The following ZNF264 variants were observed in gnomAD, a reference collection of about 807,000 sequenced individuals.
The protein encoded by ZNF264 is zinc finger protein 264.
A neutral mutation model predicts 11.2 loss-of-function variants in ZNF264; 11 were observed. The observed-to-expected ratio is 0.98, with a 90% CI of 0.62 to 1.63. ZNF264 has a LOEUF of 1.63. Among genes scored for constraint, ZNF264 ranks in the 40% most tolerant of loss-of-function variants. ZNF264 has a pLI of 0.00. For synonymous variants in ZNF264, 309 were observed against 279.8 expected (o/e 1.10, Z -1.04); for missense variants, 752 against 768.1 (o/e 0.98, Z 0.25).
chr19:57,192,389 G>A (rs944212742), intron 1 of ZNF264: 2 of 985,246 alleles, frequency 2.0e-6, no homozygotes, highest in African/African-American at 3.5e-5. Flanking sequence ...AACAGTGTGT[G>A]GTCTTTTCCT....
rs991714312 is a variant in ZNF264, at chr19:57,191,807, A to G, written c.-107A>G. 36 of 899,228 alleles carry G rather than the reference A, an allele frequency of 4.0e-5. No individual in the cohort carries two copies. In the African/African-American group the frequency reaches 6.2e-4, roughly 16 times the overall value. 55.7% of individuals were successfully genotyped at this position (899,228 alleles called of 1,614,324 possible). On this transcript the variant is annotated 5_prime_UTR_variant, in exon 1 of 4. Transcript: ENST00000263095. ...TGCCACCGAGGAGGCGGCGGCCCCG[A>G]GCGCGCCTGGAAGCCCCGGGCAACC...
intron 2 of ZNF264, chr19:57,195,058 C>A (rs923379487): frequency 5.5e-6 from 2 of 361,070 alleles, no homozygotes; most frequent in African/African-American, 4.2e-5. Flanking sequence ...GGGCCAGGCA[C>A]CTAGCTGGAC....
intron 3 of ZNF264, among the ~76,000 whole-genome samples, chr19:57,206,607 A>G (rs1294017092): frequency 6.6e-6 from 1 of 152,168 alleles, no homozygotes; most frequent in Non-Finnish European, 1.5e-5. Flanking sequence ...AAAACTGGAT[A>G]GTTTCTGAGC....
Position 57,214,819 on chromosome 19 carries a change from A to G in ZNF264, c.*1838A>G, listed in dbSNP as rs907494206. ...CTCCACCAGTTGATGTCATTATGCT[A>G]TTTTCCTTCTACATCCTATTGATGG... On this transcript the variant is annotated 3_prime_UTR_variant, in exon 4 of 4. Coordinates refer to ENST00000263095, the MANE Select transcript of ZNF264 (RefSeq NM_003417.5). 6.6e-6 allele frequency: 1 copy of G among 152,092 alleles called. No individual in the cohort carries two copies. The highest frequency in any genetic ancestry group is 1.5e-5 in the Non-Finnish European group (1 of 67,988). The allele number at this position is 152,092 out of a possible 1,614,324, so 9.4% of individuals were successfully genotyped here.
chr19:57,206,832 A>G (rs987663672), intron 3 of ZNF264, among the ~76,000 whole-genome samples: 33 of 144,574 alleles, frequency 2.3e-4, no homozygotes, highest in African/African-American at 7.3e-4. Context: ...ATGTCTTCCT[A>G]TATCTCCTGT....
Position 57,219,570 on chromosome 19 carries a change from G to A in ZNF264, c.*6589G>A, listed in dbSNP as rs962863914. The A allele has an allele frequency of 2.6e-5, 4 of 152,240 alleles. No homozygotes were observed. The highest frequency in any genetic ancestry group is 4.4e-5 in the Non-Finnish European group (3 of 68,072). 9.4% of individuals were successfully genotyped at this position (152,240 alleles called of 1,614,324 possible). A position where few individuals can be genotyped will look rare whatever the true frequency, so the allele number is the denominator to read the frequency against. On this transcript the variant is annotated 3_prime_UTR_variant, in exon 4 of 4. Coordinates refer to ENST00000263095, the MANE Select transcript of ZNF264 (RefSeq NM_003417.5). ...TCTTACTTCCTTGTTAGAACTTTGTGCTGCTGACCACCACTCTGAACCAAA... is the reference window on the plus strand; with the variant it reads ...TCTTACTTCCTTGTTAGAACTTTGTACTGCTGACCACCACTCTGAACCAAA...
intron 2 of ZNF264, among the ~76,000 whole-genome samples, chr19:57,198,723 C>T (rs1334369333): frequency 2.6e-5 from 4 of 151,876 alleles, no homozygotes; most frequent in African/African-American, 9.7e-5. Flanking sequence ...AGCCAGTGTC[C>T]TGTAGTCCCC....
At position 57,220,100 on chromosome 19, in the gene ZNF264, C is replaced by T. The variant is rs1355062996; in HGVS notation, c.*7119C>T. 1 of 152,218 alleles carries T rather than the reference C, an allele frequency of 6.6e-6. No homozygotes were observed. Among genetic ancestry groups the T allele is most frequent in the African/African-American group, 2.4e-5 (1 of 41,448 alleles). 9.4% of individuals were successfully genotyped at this position (152,218 alleles called of 1,614,324 possible). On this transcript the variant is annotated 3_prime_UTR_variant, in exon 4 of 4. Transcript: ENST00000263095. ...GGTTAAGAATTTGCCCAAGGTTACA[C>T]AGTTATGAAGTTTGGATTTAGGAAT...
chr19:57,221,682 G>A lies in ZNF264; in HGVS notation c.*8701G>A, dbSNP rs1599960392. 6.6e-6 allele frequency: 1 copy of A among 152,116 alleles called. No homozygotes were observed. The highest frequency in any genetic ancestry group is 2.4e-5 in the African/African-American group (1 of 41,402). The allele number at this position is 152,116 out of a possible 1,614,324, so 9.4% of individuals were successfully genotyped here. A position where few individuals can be genotyped will look rare whatever the true frequency, so the allele number is the denominator to read the frequency against. The stretch of plus-strand genomic sequence containing the variant: ...AGCTTATTAGAGACTCAGTGCCAGG[G>A]TTTTTATTGGGCATGTTTTCTAGCA... On this transcript the variant is annotated 3_prime_UTR_variant, in exon 4 of 4. Coordinates refer to ENST00000263095, the MANE Select transcript of ZNF264 (RefSeq NM_003417.5).
chr19:57,199,835 G>A (rs908326123), intron 2 of ZNF264, among the ~76,000 whole-genome samples: 3 of 151,698 alleles, frequency 2.0e-5, no homozygotes, highest in African/African-American at 7.3e-5. Flanking sequence ...ATCTTGCCTG[G>A]CAACTGCCTC....
Position 57,215,969 on chromosome 19 carries a change from C to G in ZNF264, c.*2988C>G, listed in dbSNP as rs1339832874. The G allele has an allele frequency of 2.0e-5, 3 of 152,226 alleles. No individual in the cohort carries two copies. The highest frequency in any genetic ancestry group is 4.8e-5 in the African/African-American group (2 of 41,452). 9.4% of individuals were successfully genotyped at this position (152,226 alleles called of 1,614,324 possible). ...CTGGGTGGAGTTTCTATAAATGTCT[C>G]TATGATCCTGCTCATTGTTATTCAA... On this transcript the variant is annotated 3_prime_UTR_variant, in exon 4 of 4. Coordinates refer to ENST00000263095, the MANE Select transcript of ZNF264 (RefSeq NM_003417.5).
Position 57,191,826 on chromosome 19 carries a change from G to C in ZNF264, c.-88G>C. On this transcript the variant is annotated 5_prime_UTR_variant, in exon 1 of 4. Transcript: ENST00000263095. Reference sequence around the variant, plus strand: ...GCCCCGAGCGCGCCTGGAAGCCCCGGGCAACCGGCCAGGGTCGGGCACAGG... The same window carrying C: ...GCCCCGAGCGCGCCTGGAAGCCCCGCGCAACCGGCCAGGGTCGGGCACAGG... 3.6e-6 allele frequency: 4 copies of C among 1,125,696 alleles called. No individual in the cohort carries two copies. The highest frequency in any genetic ancestry group is 4.5e-6 in the Non-Finnish European group (4 of 884,846). 69.7% of individuals were successfully genotyped at this position (1,125,696 alleles called of 1,614,324 possible). A position where few individuals can be genotyped will look rare whatever the true frequency, so the allele number is the denominator to read the frequency against.
rs187259038 is a variant in ZNF264 at position 57,215,550 on chromosome 19, G to C, written c.*2569G>C. On this transcript the variant is annotated 3_prime_UTR_variant, in exon 4 of 4. Coordinates refer to ENST00000263095, the MANE Select transcript of ZNF264 (RefSeq NM_003417.5). ...GATTTCTTTGATTTCTGCTCTGATC[G>C]GTATTATATTCCACTTGCTTTGGTT... The C allele has an allele frequency of 6.6e-6, 1 of 152,032 alleles. No homozygotes were observed. Among genetic ancestry groups the C allele is most frequent in the Middle Eastern group, 3.4e-3 (1 of 294 alleles). The allele number at this position is 152,032 out of a possible 1,614,324, so 9.4% of individuals were successfully genotyped here. A position where few individuals can be genotyped will look rare whatever the true frequency, so the allele number is the denominator to read the frequency against.
Position 57,193,898 on chromosome 19 carries a change from G to A in ZNF264, c.57G>A (p.Val19=), listed in dbSNP as rs769670737. The change falls in exon 2 of 4, where the codon GTG becomes GTA. Residue 19 remains valine (V), a synonymous_variant. Coordinates refer to ENST00000263095, the MANE Select transcript of ZNF264 (RefSeq NM_003417.5). ...AGGTGTCTGTGACCTTTGATGATGT[G>A]GCTGTGACTTTCACCAAGGAGGAGT... ...RAQVSVTFDD[V]AVTFTKEEWG... is the part of the protein sequence containing the mutation. 58 of 1,613,946 alleles carry A rather than the reference G, an allele frequency of 3.6e-5. No homozygotes were observed. The highest frequency in any genetic ancestry group is 1.6e-4 in the Middle Eastern group (1 of 6,084).
At chr19:57,207,214 C>T (rs912087789) in intron 3 of ZNF264, among the ~76,000 whole-genome samples, 3 of 152,092 alleles carry the variant, frequency 2.0e-5, no homozygotes, top group Non-Finnish European at 4.4e-5. Flanking sequence ...CAAGTCAACC[C>T]CTCCACCTCC....
In ZNF264 at chr19:57,217,124, T is replaced by G. The variant is rs2087385689; in HGVS notation, c.*4143T>G. On this transcript the variant is annotated 3_prime_UTR_variant, in exon 4 of 4. Transcript: ENST00000263095. ...TTATAATAAAGTTACTGCAAAGAAT[T>G]TTAAATAAAAATTCAAGTGTGGTTT... 6.6e-6 allele frequency: 1 copy of G among 152,200 alleles called. No homozygotes were observed. Among genetic ancestry groups the G allele is most frequent in the South Asian group, 2.1e-4 (1 of 4,834 alleles). The allele number at this position is 152,200 out of a possible 1,614,324, so 9.4% of individuals were successfully genotyped here.
Position 57,191,778 on chromosome 19 carries a change from C to A in ZNF264, c.-136C>A. 2 of 594,148 alleles carry A rather than the reference C, an allele frequency of 3.4e-6. No individual in the cohort carries two copies. The highest frequency in any genetic ancestry group is 4.9e-6 in the Non-Finnish European group (2 of 405,178). 36.8% of individuals were successfully genotyped at this position (594,148 alleles called of 1,614,324 possible). A position where few individuals can be genotyped will look rare whatever the true frequency, so the allele number is the denominator to read the frequency against. On this transcript the variant is annotated 5_prime_UTR_variant, in exon 1 of 4. Transcript: ENST00000263095. ...AGGCGGCGGCCCTGCGTCTGGAACGCCGTTGCCACCGAGGAGGCGGCGGCC... is the reference window on the plus strand; with the variant it reads ...AGGCGGCGGCCCTGCGTCTGGAACGACGTTGCCACCGAGGAGGCGGCGGCC...
Position 57,222,672 on chromosome 19 carries a change from T to C in ZNF264, c.*9691T>C, listed in dbSNP as rs564872466. On this transcript the variant is annotated 3_prime_UTR_variant, in exon 4 of 4. Coordinates refer to ENST00000263095, the MANE Select transcript of ZNF264 (RefSeq NM_003417.5). The stretch of plus-strand genomic sequence containing the variant: ...TTTGTTCACCTTTGTAAAGATGTTA[T>C]TGCCAGTTCAGTGTGTATTTCTATA... 1 of 152,300 alleles carries C rather than the reference T, an allele frequency of 6.6e-6. No homozygotes were observed. Among genetic ancestry groups the C allele is most frequent in the Non-Finnish European group, 1.5e-5 (1 of 68,034 alleles). The allele number at this position is 152,300 out of a possible 1,614,324, so 9.4% of individuals were successfully genotyped here. A position where few individuals can be genotyped will look rare whatever the true frequency, so the allele number is the denominator to read the frequency against.
chr19:57,211,754 T>C lies in ZNF264; in HGVS notation c.657T>C (p.Ala219=). The change falls in exon 4 of 4, where the codon GCT becomes GCC. Residue 219 remains alanine (A), a synonymous_variant. Coordinates refer to ENST00000263095, the MANE Select transcript of ZNF264 (RefSeq NM_003417.5). ...GKVFNKKHLL[A]GHEKIHSGVK... Reference sequence around the variant, plus strand: ...TATTTAACAAGAAACACCTCCTTGCTGGACATGAGAAAATTCACTCTGGAG... The same window carrying C: ...TATTTAACAAGAAACACCTCCTTGCCGGACATGAGAAAATTCACTCTGGAG... 6.2e-7 allele frequency: 1 copy of C among 1,614,218 alleles called. No individual in the cohort carries two copies. The highest frequency in any genetic ancestry group is 1.1e-5 in the South Asian group (1 of 91,086).
Sources: allele counts gnomAD v4.1 joint callset (sites outside exome capture counted in the v4.1 genomes callset), GRCh38; gene constraint gnomAD v4.1.1; transcripts MANE v1.5; gene names NCBI Gene and HGNC (gene_info 2026-07-23, HGNC 2026-07-21).